PTPRG: variants seen among roughly 807,000 people sequenced by gnomAD.
The protein encoded by PTPRG is receptor-type tyrosine-protein phosphatase gamma.
A neutral mutation model predicts 165.3 loss-of-function variants in PTPRG; 102 were observed. That is an observed-to-expected ratio of 0.62 (90% CI 0.53 to 0.73). PTPRG has a LOEUF of 0.73. Ranked by LOEUF, PTPRG falls within the 30% of genes least tolerant of loss-of-function variation. The pLI is 0.00. For missense variants in PTPRG, 1,866 were observed against 1,861.4 expected (o/e 1.00, Z -0.05); for synonymous variants, 675 against 669.5 (o/e 1.01, Z -0.13).
At chr3:61,955,892 G>T (rs914660374) in intron 2 of PTPRG, among the ~76,000 whole-genome samples, 2 of 152,050 alleles carry the variant, frequency 1.3e-5, no homozygotes, top group African/African-American at 4.8e-5. Context: ...GCACTGTGGA[G>T]TGTCAACAGA....
chr3:61,749,266 A>G, intron 2 of PTPRG: 1 of 464,368 alleles, frequency 2.2e-6, no homozygotes. Context: ...TTTCTGAAAG[A>G]CGTAGTCTTG....
At chr3:61,845,398 G>C (rs1438064855) in intron 2 of PTPRG, among the ~76,000 whole-genome samples, 1 of 152,212 alleles carries the variant, frequency 6.6e-6, no homozygotes, top group African/African-American at 2.4e-5. Flanking sequence ...GAGGCAAACA[G>C]CAGAGACTGT....
At chr3:61,950,813 A>G (rs1415725109) in intron 2 of PTPRG, among the ~76,000 whole-genome samples, 1 of 152,244 alleles carries the variant, frequency 6.6e-6, no homozygotes, top group Non-Finnish European at 1.5e-5. Context: ...ATTAATGTAA[A>G]GTCAAAACTG....
At chr3:62,171,404 C>G (rs942907797) in intron 8 of PTPRG, among the ~76,000 whole-genome samples, 1 of 152,156 alleles carries the variant, frequency 6.6e-6, no homozygotes, top group African/African-American at 2.4e-5. Context: ...CCTATTTTTA[C>G]AGCATTTTTT....
intron 2 of PTPRG, among the ~76,000 whole-genome samples, chr3:61,894,764 G>C (rs1032264874): frequency 3.3e-5 from 5 of 152,106 alleles, no homozygotes; most frequent in Non-Finnish European, 7.4e-5. Context: ...GATTTGAGAA[G>C]ATCAAGGGAG....
rs1235818956 is a variant in PTPRG, at chr3:61,748,803, GGT to G, written c.86-72_86-71del. The G allele has an allele frequency of 1.8e-5, 21 of 1,174,666 alleles. 1 individual carries two copies. Among genetic ancestry groups the G allele is most frequent in the Non-Finnish European group, 2.4e-5 (19 of 790,104 alleles). The allele number at this position is 1,174,666 out of a possible 1,614,324, so 72.8% of individuals were successfully genotyped here. ...CTATGATTCTACGAAGTCACCCAAT[GGT>G]GTTCATTTGACACCCTTCCTGTATC... On this transcript the variant is annotated intron_variant, in intron 1 of 29. Coordinates refer to ENST00000474889, the MANE Select transcript of PTPRG (RefSeq NM_002841.4).
chr3:62,170,069 G>A (rs1412528897), intron 8 of PTPRG, among the ~76,000 whole-genome samples: 1 of 152,130 alleles, frequency 6.6e-6, no homozygotes, highest in African/African-American at 2.4e-5. Context: ...GGAGAAGTGA[G>A]TCAGGCACCA....
At chr3:62,162,366 C>T (rs1340067947) in intron 7 of PTPRG, among the ~76,000 whole-genome samples, 1 of 152,138 alleles carries the variant, frequency 6.6e-6, no homozygotes, top group Non-Finnish European at 1.5e-5. Context: ...ATGTTTTACA[C>T]ATTCACTTCA....
intron 1 of PTPRG, chr3:61,742,899 G>C (rs2033050934): frequency 2.0e-6 from 3 of 1,485,704 alleles, no homozygotes; most frequent in African/African-American, 2.8e-5. Context: ...AGTGCTGCTG[G>C]TCCCCCAGGA....
rs539010079 is a variant in PTPRG, at chr3:61,758,608, C to G, written c.190+9626C>G. Among the ~76,000 whole-genome samples the G allele has an allele frequency of 1.2e-4, 18 of 152,158 alleles. No homozygotes were observed. The South Asian group carries it at 2.7e-3, about 23-fold the overall frequency. On this transcript the variant is annotated intron_variant, in intron 2 of 29. Transcript: ENST00000474889. ...CTGGGACTACAGGCGTGCACCACCA[C>G]GTCTAGCTAATTTTTGTATATTTTA... is the stretch of plus-strand genomic sequence containing the variant.
intron 1 of PTPRG, among the ~76,000 whole-genome samples, chr3:61,595,375 C>G (rs4580548): frequency 0.9 from 136,329 of 152,192 alleles, 61,154 homozygotes; most frequent in South Asian, 0.97. Flanking sequence ...AAGTAAGACT[C>G]TGGGGACTCT....
At chr3:61,609,674 C>A (rs79718520) in intron 1 of PTPRG, among the ~76,000 whole-genome samples, 1 of 150,304 alleles carries the variant, frequency 6.7e-6, no homozygotes, top group African/African-American at 2.5e-5. Context: ...CTGGGCAATA[C>A]GGCAAAACCG....
chr3:61,585,466 G>A (rs1040493441), intron 1 of PTPRG, among the ~76,000 whole-genome samples: 1 of 151,266 alleles, frequency 6.6e-6, no homozygotes, highest in African/African-American at 2.4e-5. Context: ...AATATTAGAG[G>A]CTGGTGTGGT....
intron 8 of PTPRG, among the ~76,000 whole-genome samples, chr3:62,186,027 A>G (rs1171001051): frequency 6.6e-6 from 1 of 152,112 alleles, no homozygotes; most frequent in African/African-American, 2.4e-5. Context: ...AAGGGTTTCC[A>G]TCACTTAAAG....
intron 2 of PTPRG, among the ~76,000 whole-genome samples, chr3:61,810,030 C>T (rs1398135594): frequency 6.6e-6 from 1 of 152,194 alleles, no homozygotes; most frequent in South Asian, 2.1e-4. Flanking sequence ...ACTGTTTAGC[C>T]TGTTGAGCCT....
At chr3:62,088,413 A>G (rs924187007) in intron 5 of PTPRG, among the ~76,000 whole-genome samples, 20 of 152,394 alleles carry the variant, frequency 1.3e-4, no homozygotes, top group African/African-American at 4.8e-4. Context: ...GCCGAAGGCC[A>G]TAAGAATAAC....
chr3:61,766,411 T>G (rs2034016927), intron 2 of PTPRG, among the ~76,000 whole-genome samples: 1 of 152,172 alleles, frequency 6.6e-6, no homozygotes, highest in Admixed American at 6.5e-5. Context: ...ACTTTATTTT[T>G]GGAGATAATT....
At chr3:62,173,979 T>C (rs978677652) in intron 8 of PTPRG, among the ~76,000 whole-genome samples, 1 of 152,198 alleles carries the variant, frequency 6.6e-6, no homozygotes, top group African/African-American at 2.4e-5. Context: ...CCATAAAAAA[T>C]AATAAAGCTC....
chr3:62,093,619 G>T (rs1040144824), intron 5 of PTPRG, among the ~76,000 whole-genome samples: 4 of 152,228 alleles, frequency 2.6e-5, no homozygotes, highest in Non-Finnish European at 5.9e-5. Context: ...CTCCCTTGGA[G>T]ATGAGCATGT....
Sources: gnomAD v4.1 joint callset for allele counts (sites outside exome capture counted in the v4.1 genomes callset) on GRCh38, gnomAD v4.1.1 for gene constraint, MANE v1.5 for transcripts, NCBI Gene and HGNC (gene_info 2026-07-23, HGNC 2026-07-21) for gene names.